Variants in HEATR4 observed in about 807,000 individuals in gnomAD.
HEATR4 encodes HEAT repeat containing 4.
Under a neutral mutation model 108.8 loss-of-function variants are expected in HEATR4, and 95 were observed. That is an observed-to-expected ratio of 0.87 (90% CI 0.74 to 1.04). The LOEUF (loss-of-function observed/expected upper bound fraction) is 1.04, where lower values mean the gene tolerates loss of function less well. Among genes scored for constraint, HEATR4 ranks in the 50% least tolerant of loss-of-function variants. HEATR4 has a pLI of 0.00. For synonymous variants in HEATR4, 443 were observed against 459.4 expected, an observed-to-expected ratio of 0.96 and a Z score of 0.46; for missense variants, 1,152 against 1,253.8, an observed-to-expected ratio of 0.92 and a Z score of 1.23.
At position 73,520,842 on chromosome 14, in the gene HEATR4, G is replaced by C. The variant is rs1784560825; in HGVS notation, c.1069+10C>G. Reference sequence around the variant, plus strand: ...CGTGTGCCCCTACCACAGGGGCCCAGCTCTATTACCAAAGTAAATCTCCTG... The same window carrying C: ...CGTGTGCCCCTACCACAGGGGCCCACCTCTATTACCAAAGTAAATCTCCTG... On this transcript the variant is annotated intron_variant, in intron 4 of 17. Transcript: ENST00000553558. 1 of 1,611,636 alleles carries C rather than the reference G, an allele frequency of 6.2e-7. No homozygotes were observed. Among genetic ancestry groups the C allele is most frequent in the Non-Finnish European group, 8.5e-7 (1 of 1,178,432 alleles).
At position 73,547,335 on chromosome 14, in the gene HEATR4, C is replaced by T. The variant is rs1406943926; in HGVS notation, c.-152+11416G>A. Among the ~76,000 whole-genome samples the T allele has an allele frequency of 1.7e-5, 2 of 115,586 alleles. 1 individual carries two copies. The highest frequency in any genetic ancestry group is 3.8e-5 in the Non-Finnish European group (2 of 52,642). The allele number at this position is 115,586 out of a possible 152,430, so 75.8% of individuals were successfully genotyped here. A position where few individuals can be genotyped will look rare whatever the true frequency, so the allele number is the denominator to read the frequency against. On this transcript the variant is annotated intron_variant, in intron 1 of 17. Transcript: ENST00000553558. ...GGCGGAGGTTGCAGAGAGCCAAGAT[C>T]GTGCCACTGCACGCCAGCCTGGGCA...
chr14:73,623,752 C>T, the HEATR4 span, among the ~76,000 whole-genome samples: 32 of 151,980 alleles, frequency 2.1e-4, 1 homozygote, highest in Admixed American at 2.1e-3. Flanking sequence ...TGAGGGCCAA[C>T]CCCTCAGGAA....
At position 73,506,786 on chromosome 14, in the gene HEATR4, C is replaced by T. The variant is rs1010598889; in HGVS notation, c.1882-215G>A. ...AACTTAAACAGAAAACTGGGACCTT[C>T]CTTTCCTGACTTTAACTGTTTTTTT... is the stretch of plus-strand genomic sequence containing the variant. On this transcript the variant is annotated intron_variant, in intron 9 of 17. Coordinates refer to ENST00000553558, the MANE Select transcript of HEATR4 (RefSeq NM_001220484.1). 5.0e-5 allele frequency among the ~76,000 whole-genome samples: 6 copies of T among 119,662 alleles called. No homozygotes were observed. In the South Asian group the frequency reaches 1.4e-3, roughly 27 times the overall value. The allele number at this position is 119,662 out of a possible 152,430, so 78.5% of individuals were successfully genotyped here.
the HEATR4 span, among the ~76,000 whole-genome samples, chr14:73,617,762 T>C: frequency 3.9e-5 from 6 of 152,204 alleles, no homozygotes; most frequent in African/African-American, 1.2e-4. Context: ...TTTGATTATA[T>C]GAAGTAATCA....
chr14:73,574,724 G>A, the HEATR4 span, among the ~76,000 whole-genome samples: 14 of 152,058 alleles, frequency 9.2e-5, no homozygotes, highest in Non-Finnish European at 1.5e-4. Context: ...ACCAAGAGTG[G>A]TGATGGACAA....
the HEATR4 span, among the ~76,000 whole-genome samples, chr14:73,565,965 GTT>G: frequency 1.3e-3 from 198 of 152,106 alleles, 3 homozygotes; most frequent in African/African-American, 4.6e-3. Flanking sequence ...CCAGGGGTCT[GTT>G]TTGACAGGGC....
the HEATR4 span, among the ~76,000 whole-genome samples, chr14:73,568,728 C>A: frequency 6.6e-6 from 1 of 151,908 alleles, no homozygotes; most frequent in African/African-American, 2.4e-5. Flanking sequence ...GAAATTACTA[C>A]CTATTACCCC....
chr14:73,540,988 C>T (rs1161116028), intron 1 of HEATR4, among the ~76,000 whole-genome samples: 6 of 115,700 alleles, frequency 5.2e-5, no homozygotes, highest in African/African-American at 1.4e-4. Context: ...GTGATCCACC[C>T]GTCTCAGCCT....
At chr14:73,514,322 CCTGA>C (rs1413202060) in intron 5 of HEATR4, 88 bp from the exon 6 acceptor site, 3 of 1,208,656 alleles carry the variant, frequency 2.5e-6, no homozygotes, top group Non-Finnish European at 3.5e-6. Flanking sequence ...CATTCCTATT[CCTGA>C]CTAATACCAA....
upstream of HEATR4, among the ~76,000 whole-genome samples, chr14:73,562,703 G>T (rs192601104): frequency 2.4e-3 from 358 of 152,058 alleles, 7 homozygotes; most frequent in Non-Finnish European, 2.9e-3. Flanking sequence ...TCTGTCTTGT[G>T]CCGTTGAGAT....
At chr14:73,612,686 C>T in the HEATR4 span, 1 of 1,406,564 alleles carries the variant, frequency 7.1e-7, no homozygotes. Context: ...CACGTCCCTG[C>T]GCGACGAAGA....
chr14:73,481,085 T>G (rs1885236131), intron 17 of HEATR4, among the ~76,000 whole-genome samples: 1 of 152,182 alleles, frequency 6.6e-6, no homozygotes, highest in Non-Finnish European at 1.5e-5. Flanking sequence ...TTATTTTAAT[T>G]ATTTTAGTAG....
chr14:73,501,077 G>A (rs563338166), intron 11 of HEATR4, among the ~76,000 whole-genome samples: 129 of 152,270 alleles, frequency 8.5e-4, no homozygotes, highest in Non-Finnish European at 1.6e-3. Context: ...AGCCTGGAAT[G>A]CCTATGCAGT....
chr14:73,482,469 C>A (rs1392056718), intron 17 of HEATR4, among the ~76,000 whole-genome samples: 1 of 152,132 alleles, frequency 6.6e-6, no homozygotes, highest in African/African-American at 2.4e-5. Context: ...CTGCAATGGG[C>A]CGAGACTGCG....
the HEATR4 span, among the ~76,000 whole-genome samples, chr14:73,609,971 T>C: frequency 6.3e-5 from 9 of 143,640 alleles, no homozygotes; most frequent in African/African-American, 1.8e-4. Context: ...TCCTCTACCC[T>C]TTTTTTTTTT....
the HEATR4 span, chr14:73,575,268 C>T: frequency 2.1e-5 from 18 of 854,364 alleles, no homozygotes; most frequent in East Asian, 5.7e-5. Context: ...GGCCTGTAAA[C>T]GCTTGCAGGC....
rs201974868 is a variant in HEATR4, at chr14:73,502,920, C to A, written c.2080G>T (p.Gly694Trp). 6.2e-7 allele frequency: 1 copy of A among 1,613,706 alleles called. No individual in the cohort carries two copies. The highest frequency in any genetic ancestry group is 1.3e-5 in the African/African-American group (1 of 75,020). Reference sequence around the variant, plus strand: ...CTGATTATGTCGTGCACCTCTTTCCCGAGGCTCATTTGCCCAAGCGCCTGT... The same window carrying A: ...CTGATTATGTCGTGCACCTCTTTCCAGAGGCTCATTTGCCCAAGCGCCTGT... Reference protein sequence around the residue: ...AAQALGQMSLGKEVHDIIRVK... With the variant: ...AAQALGQMSLWKEVHDIIRVK... Residue 694 changes from glycine to tryptophan, a missense_variant, in exon 11 of 18, where the codon GGG becomes TGG. Physicochemically the swap from Gly to Trp is radical, Grantham distance 184 (BLOSUM62 -2). Transcript: ENST00000553558.
At chr14:73,482,358 C>T (rs1206348153) in intron 17 of HEATR4, among the ~76,000 whole-genome samples, 1 of 152,148 alleles carries the variant, frequency 6.6e-6, no homozygotes, top group East Asian at 1.9e-4. Context: ...TCTGTCTCTA[C>T]TAAAAATTCA....
chr14:73,524,855 T>C (rs1372634780), intron 2 of HEATR4, among the ~76,000 whole-genome samples: 1 of 152,030 alleles, frequency 6.6e-6, no homozygotes, highest in African/African-American at 2.4e-5. Flanking sequence ...TCCTGCCCGG[T>C]GTCCAAGGTG....
Sources: allele counts gnomAD v4.1 joint callset (sites outside exome capture counted in the v4.1 genomes callset), GRCh38; gene constraint gnomAD v4.1.1; transcripts MANE v1.5; gene names NCBI Gene and HGNC (gene_info 2026-07-23, HGNC 2026-07-21).